CCNY: variants seen among roughly 807,000 people sequenced by gnomAD.
The protein encoded by CCNY is cyclin-Y.
CCNY carries 19 observed loss-of-function variants against 42.8 expected under a neutral mutation model. The ratio of observed to expected loss-of-function variants is 0.44; its 90% CI spans 0.31 to 0.65. The LOEUF is 0.65. Ranked by LOEUF, CCNY falls within the 30% of genes least tolerant of loss-of-function variation. CCNY has a pLI of 0.07. For synonymous variants in CCNY, 165 were observed against 162.7 expected, an observed-to-expected ratio of 1.01 and a Z score of -0.11; for missense variants, 370 against 437.3, an observed-to-expected ratio of 0.85 and a Z score of 1.37.
chr10:35,446,480 T>G (rs920214765), intron 1 of CCNY, among the ~76,000 whole-genome samples: 1 of 152,224 alleles, frequency 6.6e-6, no homozygotes, highest in Non-Finnish European at 1.5e-5. Flanking sequence ...AGAATGCATT[T>G]GTGTGCAAGA....
rs373009279 is a variant in CCNY, at chr10:35,419,102, C to T, written c.155-64302C>T. 1.3e-4 allele frequency among the ~76,000 whole-genome samples: 20 copies of T among 152,180 alleles called. No individual in the cohort carries two copies. The South Asian group carries it at 3.1e-3, about 24-fold the overall frequency. On this transcript the variant is annotated intron_variant, in intron 1 of 9. Coordinates refer to ENST00000374704, the MANE Select transcript of CCNY (RefSeq NM_145012.6). ...TGCTGAGATTATAGGCATGAGCCAC[C>T]GCACCCGGGTGGGATATAATAGTAT...
intron 1 of CCNY, among the ~76,000 whole-genome samples, chr10:35,460,583 T>G (rs953291389): frequency 6.6e-6 from 1 of 152,230 alleles, no homozygotes; most frequent in Non-Finnish European, 1.5e-5. Context: ...GCTACTGTTA[T>G]TATAAATATG....
chr10:35,325,998 C>A (rs1473962990), intron 3 of CCNY, among the ~76,000 whole-genome samples: 10 of 152,074 alleles, frequency 6.6e-5, no homozygotes, highest in Non-Finnish European at 1.3e-4. Flanking sequence ...ATCGCTTGAG[C>A]CCAGGAGTTC....
At chr10:35,421,471 C>T (rs932919042) in intron 1 of CCNY, among the ~76,000 whole-genome samples, 1 of 152,238 alleles carries the variant, frequency 6.6e-6, no homozygotes, top group South Asian at 2.1e-4. Context: ...TTCTAGAACC[C>T]CCGACCCAGG....
At chr10:35,550,773 T>C (rs1045267186) in intron 7 of CCNY, among the ~76,000 whole-genome samples, 4 of 151,892 alleles carry the variant, frequency 2.6e-5, no homozygotes, top group Non-Finnish European at 5.9e-5. Context: ...CAGGTTTTAC[T>C]CCCCCCTCTT....
chr10:35,310,361 A>G (rs750151220), intron 3 of CCNY, among the ~76,000 whole-genome samples: 53 of 152,186 alleles, frequency 3.5e-4, no homozygotes, highest in Admixed American at 5.2e-4. Context: ...GCTGTTGTGA[A>G]TTGTGCTCCA....
At chr10:35,557,206 T>C (rs1339538732) in intron 8 of CCNY, among the ~76,000 whole-genome samples, 1 of 152,214 alleles carries the variant, frequency 6.6e-6, no homozygotes, top group African/African-American at 2.4e-5. Context: ...CATTAGAGAC[T>C]GAATATACCA....
intron 1 of CCNY, among the ~76,000 whole-genome samples, chr10:35,397,586 T>A (rs922097051): frequency 3.9e-5 from 6 of 152,032 alleles, no homozygotes; most frequent in Admixed American, 3.9e-4. Context: ...TGGGAGAGAA[T>A]AACACTTCTT....
At chr10:35,464,184 C>T (rs773140504) in intron 1 of CCNY, among the ~76,000 whole-genome samples, 2 of 152,224 alleles carry the variant, frequency 1.3e-5, no homozygotes, top group East Asian at 1.9e-4. Flanking sequence ...CAGCTCCCTC[C>T]TCTGTGCCTT....
At chr10:35,490,572 G>C (rs1443438836) in intron 2 of CCNY, among the ~76,000 whole-genome samples, 1 of 152,166 alleles carries the variant, frequency 6.6e-6, no homozygotes, top group Non-Finnish European at 1.5e-5. Flanking sequence ...AGCTTTGCTT[G>C]GGGGTCTAAC....
chr10:35,315,993 A>C (rs1184630424), intron 3 of CCNY, among the ~76,000 whole-genome samples: 1 of 152,162 alleles, frequency 6.6e-6, no homozygotes, highest in Non-Finnish European at 1.5e-5. Context: ...ACTCTATCCC[A>C]TATAAGTGTA....
At chr10:35,392,334 A>G (rs1162983767) in intron 1 of CCNY, among the ~76,000 whole-genome samples, 2 of 152,326 alleles carry the variant, frequency 1.3e-5, no homozygotes, top group African/African-American at 4.8e-5. Flanking sequence ...AGAGGAAGGC[A>G]CTGTTCTGGG....
intron 3 of CCNY, among the ~76,000 whole-genome samples, chr10:35,274,173 G>A (rs149052331): frequency 2.6e-5 from 4 of 152,150 alleles, no homozygotes; most frequent in African/African-American, 4.8e-5. Flanking sequence ...GCAAAGGCAC[G>A]TCTTACATGG....
rs1471836261 is a variant in CCNY, at chr10:35,530,061, T to TTTA, written c.459+32_459+34dup. ...CTCCTCCGTGTGTTTCATGAGATGA[T>TTTA]TTAATTATTTCTCTTTTGCTCCAAT... On this transcript the variant is annotated intron_variant, in intron 6 of 9. Coordinates refer to ENST00000374704, the MANE Select transcript of CCNY (RefSeq NM_145012.6). This position sits in a 1 kb window ranked among gnomAD's most constrained non-coding sequence, Gnocchi z 4.3. 6.2e-7 allele frequency: 1 copy of TTTA among 1,613,962 alleles called. No homozygotes were observed. The highest frequency in any genetic ancestry group is 1.3e-5 in the African/African-American group (1 of 74,932).
chr10:35,475,307 G>A (rs1475464637), intron 1 of CCNY, among the ~76,000 whole-genome samples: 1 of 152,140 alleles, frequency 6.6e-6, no homozygotes, highest in African/African-American at 2.4e-5. Flanking sequence ...GATACTCCTC[G>A]AGAAGAGCAA....
At chr10:35,435,966 G>A (rs1838523416) in intron 1 of CCNY, among the ~76,000 whole-genome samples, 1 of 152,116 alleles carries the variant, frequency 6.6e-6, no homozygotes, top group South Asian at 2.1e-4. Context: ...GGTGGGAGGT[G>A]GTCAGCAGAA....
intron 3 of CCNY, among the ~76,000 whole-genome samples, chr10:35,286,646 G>A (rs1483716692): frequency 2.0e-5 from 3 of 146,944 alleles, no homozygotes; most frequent in East Asian, 2.0e-4. Context: ...GTGAGCCACC[G>A]TGCCCAGCCT....
chr10:35,335,514 A>C (rs1474127449), upstream of CCNY, among the ~76,000 whole-genome samples: 1 of 152,134 alleles, frequency 6.6e-6, no homozygotes, highest in Non-Finnish European at 1.5e-5. Context: ...CAAAGCTCAA[A>C]ATACAATAGA....
At position 35,426,595 on chromosome 10, in the gene CCNY, C is replaced by T. The variant is rs370124161; in HGVS notation, c.155-56809C>T. 2.2e-4 allele frequency among the ~76,000 whole-genome samples: 33 copies of T among 152,276 alleles called. 1 individual carries two copies. Among genetic ancestry groups the T allele is most frequent in the African/African-American group, 7.0e-4 (29 of 41,538 alleles). ...TAGGAAGGCAGGATTGTGTGTAATACGTTTTTAGAATGTTATTAAAATTGC... is the reference window on the plus strand; with the variant it reads ...TAGGAAGGCAGGATTGTGTGTAATATGTTTTTAGAATGTTATTAAAATTGC... On this transcript the variant is annotated intron_variant, in intron 1 of 9. Transcript: ENST00000374704.
Sources: allele counts gnomAD v4.1 joint callset (sites outside exome capture counted in the v4.1 genomes callset), GRCh38; gene constraint gnomAD v4.1.1; non-coding constraint Gnocchi (gnomAD v3.1); transcripts MANE v1.5; gene names NCBI Gene and HGNC (gene_info 2026-07-23, HGNC 2026-07-21).